The following SLC12A2 variants were observed in gnomAD, a reference collection of about 807,000 sequenced individuals.
SLC12A2 encodes the protein Na-K-2Cl cotransporter 1.
SLC12A2 carries 67 observed loss-of-function variants against 136.3 expected under a neutral mutation model. The observed-to-expected ratio is 0.49, with a 90% CI of 0.40 to 0.60. The LOEUF (loss-of-function observed/expected upper bound fraction) is 0.60, where lower values mean the gene tolerates loss of function less well. SLC12A2 is among the 20% of genes least tolerant of loss of function. The pLI is 0.00. For synonymous variants in SLC12A2, 619 were observed against 562.9 expected (o/e 1.10, Z -1.41); for missense variants, 1,322 against 1,534.7 (o/e 0.86, Z 2.32).
intron 15 of SLC12A2, 109 bp downstream of exon 15, chr5:128,152,914 G>GC: frequency 7.3e-6 from 5 of 688,622 alleles, no homozygotes; most frequent in South Asian, 5.2e-5. Context: ...TCGGTCTTGG[G>GC]CAGTTTAATT....
intron 4 of SLC12A2, among the ~76,000 whole-genome samples, chr5:128,117,882 A>G (rs191777001): frequency 1.1e-4 from 16 of 152,288 alleles, no homozygotes; most frequent in Admixed American, 2.6e-4. Context: ...GAAAATATCA[A>G]TCCCATCAAA....
chr5:128,105,803 A>T (rs1436933587), intron 1 of SLC12A2, among the ~76,000 whole-genome samples: 1 of 152,130 alleles, frequency 6.6e-6, no homozygotes, highest in Admixed American at 6.6e-5. Flanking sequence ...TACTCAGAAA[A>T]GTGTTCTGCT....
intron 1 of SLC12A2, among the ~76,000 whole-genome samples, chr5:128,111,232 T>C (rs117859853): frequency 6.6e-6 from 1 of 152,338 alleles, no homozygotes; most frequent in East Asian, 1.9e-4. Context: ...ATCTGGCTTA[T>C]ACTTCTATTG....
intron 17 of SLC12A2, among the ~76,000 whole-genome samples, chr5:128,164,088 T>C (rs1763127109): frequency 6.6e-6 from 1 of 152,160 alleles, no homozygotes; most frequent in Non-Finnish European, 1.5e-5. Context: ...CTTAGAGCAG[T>C]GGTCATTAAA....
At chr5:128,151,518 G>C (rs932076922) in intron 14 of SLC12A2, 122 bp downstream of exon 14, 6 of 849,940 alleles carry the variant, frequency 7.1e-6, no homozygotes, top group Non-Finnish European at 1.0e-5. Context: ...AAGCTACTTT[G>C]TATAAAACCT....
At chr5:128,131,780 C>T (rs187207935) in intron 5 of SLC12A2, among the ~76,000 whole-genome samples, 4 of 152,058 alleles carry the variant, frequency 2.6e-5, no homozygotes, top group Admixed American at 2.0e-4. Context: ...CAGAGTTGGG[C>T]GGATCACCTG....
chr5:128,093,995 C>T (rs1352011700), intron 1 of SLC12A2, among the ~76,000 whole-genome samples: 1 of 152,070 alleles, frequency 6.6e-6, no homozygotes, highest in Non-Finnish European at 1.5e-5. Flanking sequence ...CTTCCTCTCC[C>T]TTCCACCATT....
At chr5:128,131,248 A>G in intron 5 of SLC12A2, 42 bp downstream of exon 5, 1 of 1,591,146 alleles carries the variant, frequency 6.3e-7, no homozygotes. Flanking sequence ...CCAAATCTTT[A>G]TTGAGGGATT....
intron 1 of SLC12A2, among the ~76,000 whole-genome samples, chr5:128,111,561 C>T (rs1018970725): frequency 6.6e-6 from 1 of 151,880 alleles, no homozygotes; most frequent in Non-Finnish European, 1.5e-5. Flanking sequence ...GTCAGGAGAT[C>T]GAGACCATCC....
intron 18 of SLC12A2, among the ~76,000 whole-genome samples, chr5:128,171,306 C>T (rs1763368966): frequency 6.6e-6 from 1 of 152,058 alleles, no homozygotes; most frequent in Admixed American, 6.6e-5. Context: ...TCATGTATTT[C>T]TCTTGGTTTT....
At chr5:128,140,846 G>T (rs938362687) in intron 9 of SLC12A2, among the ~76,000 whole-genome samples, 13 of 151,946 alleles carry the variant, frequency 8.6e-5, no homozygotes, top group Admixed American at 2.6e-4. Context: ...ACATGGTTTT[G>T]CAAGGACTGC....
chr5:128,098,533 A>G (rs957001870), intron 1 of SLC12A2, among the ~76,000 whole-genome samples: 2 of 143,214 alleles, frequency 1.4e-5, no homozygotes. Flanking sequence ...TTTCCTGTTT[A>G]TTTGGATGTC....
At chr5:128,125,060 C>T (rs1281899705) in intron 4 of SLC12A2, among the ~76,000 whole-genome samples, 1 of 152,156 alleles carries the variant, frequency 6.6e-6, no homozygotes, top group Non-Finnish European at 1.5e-5. Flanking sequence ...AACATCACAG[C>T]AAGGAAAATA....
chr5:128,180,784 A>G, intron 22 of SLC12A2, 99 bp from the exon 23 acceptor site: 1 of 720,320 alleles, frequency 1.4e-6, no homozygotes, highest in Non-Finnish European at 2.4e-6. Context: ...TTTTTGTTTC[A>G]TATGGAGTTG....
chr5:128,173,473 G>A (rs575194438), intron 19 of SLC12A2, among the ~76,000 whole-genome samples: 22 of 152,266 alleles, frequency 1.4e-4, no homozygotes, highest in African/African-American at 4.8e-4. Context: ...TATAATCATT[G>A]TGAAATGTTT....
At chr5:128,171,287 T>C (rs903143273) in intron 18 of SLC12A2, among the ~76,000 whole-genome samples, 3 of 152,154 alleles carry the variant, frequency 2.0e-5, no homozygotes, top group African/African-American at 7.2e-5. Flanking sequence ...GGTTTTTGTG[T>C]GTGTGTCTTC....
At chr5:128,113,943 G>C (rs1168777863) in intron 2 of SLC12A2, among the ~76,000 whole-genome samples, 1 of 152,058 alleles carries the variant, frequency 6.6e-6, no homozygotes, top group African/African-American at 2.4e-5. Flanking sequence ...TTGTTCTGTT[G>C]CTTCTGCTGC....
chr5:128,093,024 TC>T (rs1412230487), intron 1 of SLC12A2, among the ~76,000 whole-genome samples: 4 of 152,308 alleles, frequency 2.6e-5, no homozygotes, highest in African/African-American at 9.6e-5. Context: ...CGTCTTTCCT[TC>T]CTTACCTTTT....
At chr5:128,150,202 T>C (rs1762655909) in intron 13 of SLC12A2, 104 bp downstream of exon 13, 9 of 700,358 alleles carry the variant, frequency 1.3e-5, no homozygotes, top group Non-Finnish European at 2.5e-6. Flanking sequence ...GGTTAGTTCA[T>C]TAATGCCAAG....
Sources: gnomAD v4.1 joint callset for allele counts (sites outside exome capture counted in the v4.1 genomes callset) on GRCh38, gnomAD v4.1.1 for gene constraint, MANE v1.5 for transcripts, NCBI Gene and HGNC (gene_info 2026-07-23, HGNC 2026-07-21) for gene names.